Variants in FOLH1 observed in about 807,000 individuals in gnomAD.
FOLH1 encodes folate hydrolase 1.
FOLH1 carries 54 observed loss-of-function variants against 93.9 expected under a neutral mutation model. The observed-to-expected ratio is 0.57, with a 90% confidence interval of 0.46 to 0.72. The LOEUF (loss-of-function observed/expected upper bound fraction) is 0.72, where lower values mean the gene tolerates loss of function less well. Ranked by LOEUF, FOLH1 falls within the 30% of genes least tolerant of loss-of-function variation. The pLI, the probability that FOLH1 is intolerant of heterozygous loss-of-function variation, is 0.00. For missense variants in FOLH1, 571 were observed against 892.5 expected (o/e 0.64, Z 4.59); for synonymous variants, 249 against 303.6 (o/e 0.82, Z 1.87).
intron 15 of FOLH1, among the ~76,000 whole-genome samples, chr11:49,156,089 C>T (rs1857006339): frequency 6.6e-6 from 1 of 151,698 alleles, no homozygotes; most frequent in Non-Finnish European, 1.5e-5. Flanking sequence ...TGCTCTCTTG[C>T]CTGCTGCCAG....
At chr11:49,182,829 C>T (rs538953461) in intron 7 of FOLH1, among the ~76,000 whole-genome samples, 1 of 152,098 alleles carries the variant, frequency 6.6e-6, no homozygotes, top group South Asian at 2.1e-4. Flanking sequence ...GAGTCATTGC[C>T]CGAGAACACC....
At position 49,208,251 on chromosome 11, in the gene FOLH1, G is replaced by A. The variant is rs1283443896; in HGVS notation, c.118+41C>T. 14 of 1,385,974 alleles carry A rather than the reference G, an allele frequency of 1.0e-5. No homozygotes were observed. In the East Asian group the frequency reaches 1.5e-4, roughly 15 times the overall value. 85.9% of individuals were successfully genotyped at this position (1,385,974 alleles called of 1,614,324 possible). On this transcript the variant is annotated intron_variant, in intron 1 of 18. Coordinates refer to ENST00000256999, the MANE Select transcript of FOLH1 (RefSeq NM_004476.3). ...GCGAGTCCCAGCACCGCGGCACCAC[G>A]GGGAAGACTCCGAGGTTTGCTCCGC...
chr11:49,190,760 T>C (rs1861939690), intron 4 of FOLH1, among the ~76,000 whole-genome samples: 1 of 152,154 alleles, frequency 6.6e-6, no homozygotes, highest in Non-Finnish European at 1.5e-5. Flanking sequence ...TAAAGCAGAG[T>C]CCCATATTTC....
intron 11 of FOLH1, 52 bp downstream of exon 11, chr11:49,171,143 C>G: frequency 2.6e-6 from 4 of 1,520,768 alleles, no homozygotes; most frequent in Middle Eastern, 1.9e-4. Context: ...GCAAATAAGT[C>G]CTGGCTACTT....
chr11:49,191,519 A>T (rs1862042343), intron 4 of FOLH1, among the ~76,000 whole-genome samples: 2 of 152,222 alleles, frequency 1.3e-5, no homozygotes, highest in African/African-American at 4.8e-5. Context: ...AGGAAATAAG[A>T]GACAACGGTC....
chr11:49,171,649 C>T lies in FOLH1; in HGVS notation c.1226-372G>A, dbSNP rs1161116704. Among the ~76,000 whole-genome samples the T allele has an allele frequency of 2.0e-5, 3 of 152,010 alleles. No homozygotes were observed. The East Asian group carries it at 5.8e-4, about 29-fold the overall frequency. ...AAAGCAGATATAACTGAAAGAAAATCCTTTAGAACTCTTTCCTGTTGTTCT... is the reference window on the plus strand; with the variant it reads ...AAAGCAGATATAACTGAAAGAAAATTCTTTAGAACTCTTTCCTGTTGTTCT... On this transcript the variant is annotated intron_variant, in intron 10 of 18. Transcript: ENST00000256999.
chr11:49,159,683 GCAATAGTTT>G (rs1449412460), intron 13 of FOLH1, among the ~76,000 whole-genome samples: 2 of 152,064 alleles, frequency 1.3e-5, no homozygotes, highest in Non-Finnish European at 2.9e-5. Flanking sequence ...TAATTATTTG[GCAATAGTTT>G]CAATAGAAAT....
At chr11:49,203,205 T>C (rs1430483634) in intron 2 of FOLH1, among the ~76,000 whole-genome samples, 1 of 152,194 alleles carries the variant, frequency 6.6e-6, no homozygotes, top group Admixed American at 6.5e-5. Context: ...CTAAAACACC[T>C]TTTAAAACAA....
At chr11:49,152,345 C>T (rs1303993454) in intron 17 of FOLH1, among the ~76,000 whole-genome samples, 1 of 152,104 alleles carries the variant, frequency 6.6e-6, no homozygotes, top group Non-Finnish European at 1.5e-5. Context: ...AGCTCTTGAA[C>T]ACATTAGCAA....
In FOLH1 at chr11:49,186,608, T is replaced by TG. The variant is rs531198043; in HGVS notation, c.639+35dup. The stretch of plus-strand genomic sequence containing the variant: ...TAAAACCCACTATAACTTTTTACAT[T>TG]GGGGGAGAGAAAAAAAGAGATAATT... On this transcript the variant is annotated intron_variant, in intron 5 of 18. Coordinates refer to ENST00000256999, the MANE Select transcript of FOLH1 (RefSeq NM_004476.3). 1.1e-4 allele frequency: 175 copies of TG among 1,591,988 alleles called. 2 individuals carry two copies. The East Asian group carries it at 2.0e-3, about 18-fold the overall frequency.
Position 49,208,549 on chromosome 11 carries a change from G to T in FOLH1, c.-140C>A. On this transcript the variant is annotated 5_prime_UTR_variant, in exon 1 of 19. Transcript: ENST00000256999. The stretch of plus-strand genomic sequence containing the variant: ...TTATCAGCCCTGCAGGCTGGAATTC[G>T]CTCCAGACCTGGGGTCCAGTTTCTC... The T allele has an allele frequency of 1.7e-6, 1 of 573,134 alleles. No homozygotes were observed. 35.5% of individuals were successfully genotyped at this position (573,134 alleles called of 1,614,324 possible). A position where few individuals can be genotyped will look rare whatever the true frequency, so the allele number is the denominator to read the frequency against.
chr11:49,153,831 A>C lies in FOLH1; in HGVS notation c.1970+15T>G. 6.4e-7 allele frequency: 1 copy of C among 1,574,012 alleles called. No individual in the cohort carries two copies. Among genetic ancestry groups the C allele is most frequent in the Non-Finnish European group, 8.6e-7 (1 of 1,156,220 alleles). On this transcript the variant is annotated intron_variant, in intron 17 of 18. Coordinates refer to ENST00000256999, the MANE Select transcript of FOLH1 (RefSeq NM_004476.3). ...CACACACATACACACATATGCACAT[A>C]TATGTAGAACATACTTGCTTTTGTC...
At chr11:49,167,346 G>C (rs1260422462) in intron 12 of FOLH1, among the ~76,000 whole-genome samples, 2 of 152,172 alleles carry the variant, frequency 1.3e-5, no homozygotes, top group African/African-American at 4.8e-5. Flanking sequence ...CTGAGGCACA[G>C]AAAGTAAGTA....
At chr11:49,181,107 A>T (rs1156943929) in intron 7 of FOLH1, among the ~76,000 whole-genome samples, 13 of 133,304 alleles carry the variant, frequency 9.8e-5, no homozygotes, top group Non-Finnish European at 1.5e-4. Context: ...CATGTTTTAA[A>T]TTTTTTTTTT....
intron 18 of FOLH1, 112 bp from the exon 19 acceptor site, chr11:49,147,057 C>T (rs746977078): frequency 6.4e-4 from 534 of 838,904 alleles, no homozygotes; most frequent in Admixed American, 6.4e-4. Flanking sequence ...TTGAACAAGC[C>T]ACTTGTCAAC....
intron 2 of FOLH1, among the ~76,000 whole-genome samples, chr11:49,201,839 G>A (rs928305809): frequency 6.6e-6 from 1 of 152,182 alleles, no homozygotes; most frequent in Non-Finnish European, 1.5e-5. Context: ...GAATTACTAT[G>A]GGGAATCTTG....
chr11:49,146,665 T>C lies in FOLH1; in HGVS notation c.*91A>G. On this transcript the variant is annotated 3_prime_UTR_variant, in exon 19 of 19. Coordinates refer to ENST00000256999, the MANE Select transcript of FOLH1 (RefSeq NM_004476.3). Reference sequence around the variant, plus strand: ...ATAATATTCAACTTTATTTCAAATATACCAATTTTAAAATTTATCAATATA... The same window carrying C: ...ATAATATTCAACTTTATTTCAAATACACCAATTTTAAAATTTATCAATATA... 1 of 1,193,584 alleles carries C rather than the reference T, an allele frequency of 8.4e-7. No individual in the cohort carries two copies. The highest frequency in any genetic ancestry group is 2.6e-5 in the East Asian group (1 of 37,974). 73.9% of individuals were successfully genotyped at this position (1,193,584 alleles called of 1,614,324 possible). A position where few individuals can be genotyped will look rare whatever the true frequency, so the allele number is the denominator to read the frequency against.
At chr11:49,196,578 C>T (rs1590672822) in intron 3 of FOLH1, among the ~76,000 whole-genome samples, 4 of 151,812 alleles carry the variant, frequency 2.6e-5, no homozygotes, top group South Asian at 4.2e-4. Context: ...AACCCTAATG[C>T]TAATATTACA....
Position 49,146,955 on chromosome 11 carries a change from A to C in FOLH1, c.2064-10T>G. 2.5e-6 allele frequency: 4 copies of C among 1,605,510 alleles called. No homozygotes were observed. Among genetic ancestry groups the C allele is most frequent in the Non-Finnish European group, 3.4e-6 (4 of 1,175,424 alleles). On this transcript the variant is annotated splice_polypyrimidine_tract_variant and intron_variant, in intron 18 of 18. Transcript: ENST00000256999. ...AGCATAGATGACATGCCTGTTGATA[A>C]AATCGTTTGCTGTTTATTAGGTGCC...
Sources: gnomAD v4.1 joint callset for allele counts (sites outside exome capture counted in the v4.1 genomes callset) on GRCh38, gnomAD v4.1.1 for gene constraint, MANE v1.5 for transcripts, NCBI Gene and HGNC (gene_info 2026-07-23, HGNC 2026-07-21) for gene names.